PAK5: variants seen among roughly 807,000 people sequenced by gnomAD.
PAK5 encodes p21 (RAC1) activated kinase 5, also known as serine/threonine-protein kinase PAK 5.
Under a neutral mutation model 65.9 loss-of-function variants are expected in PAK5, and 16 were observed. The observed-to-expected ratio is 0.24, with a 90% CI of 0.16 to 0.37. The LOEUF (loss-of-function observed/expected upper bound fraction) is 0.37, where lower values mean the gene tolerates loss of function less well. Ranked by LOEUF, PAK5 falls within the 10% of genes least tolerant of loss-of-function variation. The probability of loss-of-function intolerance (pLI) is 1.00; values close to 1 mark genes in which losing one functional copy is unlikely to be tolerated. For synonymous variants in PAK5, 371 were observed against 354.9 expected (o/e 1.05, Z -0.51); for missense variants, 785 against 903.9 (o/e 0.87, Z 1.69).
At chr20:9,561,907 G>GCCATTT (rs1489126150) in intron 6 of PAK5, among the ~76,000 whole-genome samples, 2 of 152,140 alleles carry the variant, frequency 1.3e-5, no homozygotes, top group African/African-American at 4.8e-5. Context: ...CATTGCCATT[G>GCCATTT]CCTGAAAGTT....
chr20:9,822,638 C>T (rs1188267508), intron 1 of PAK5, among the ~76,000 whole-genome samples: 1 of 152,238 alleles, frequency 6.6e-6, no homozygotes, highest in Non-Finnish European at 1.5e-5. Flanking sequence ...TTTCTTACAA[C>T]AACTTCTAAA....
At chr20:9,662,388 C>A (rs1010259920) in intron 2 of PAK5, among the ~76,000 whole-genome samples, 16 of 152,092 alleles carry the variant, frequency 1.1e-4, no homozygotes, top group African/African-American at 3.9e-4. Context: ...CACATGCTCC[C>A]CTTTCTGTAA....
chr20:9,572,748 A>C (rs1480342166), intron 4 of PAK5, among the ~76,000 whole-genome samples: 1 of 152,254 alleles, frequency 6.6e-6, no homozygotes, highest in African/African-American at 2.4e-5. Context: ...AAGGGCACGG[A>C]GTGCAGAGCA....
chr20:9,805,349 C>T (rs1311824026), intron 1 of PAK5, among the ~76,000 whole-genome samples: 2 of 152,152 alleles, frequency 1.3e-5, no homozygotes, highest in Non-Finnish European at 2.9e-5. Flanking sequence ...TACCTTACGA[C>T]ATAGCAATTC....
chr20:9,571,442 T>G (rs2045779352), intron 4 of PAK5, among the ~76,000 whole-genome samples: 1 of 152,216 alleles, frequency 6.6e-6, no homozygotes. Flanking sequence ...CCCCAAGCAA[T>G]GCAGGGCAAA....
intron 7 of PAK5, among the ~76,000 whole-genome samples, chr20:9,555,252 T>C (rs2045488771): frequency 6.6e-6 from 1 of 152,128 alleles, no homozygotes; most frequent in Non-Finnish European, 1.5e-5. Context: ...ACAATGTGTC[T>C]ATTTATGTGA....
chr20:9,742,238 A>G (rs1600312878), intron 1 of PAK5, among the ~76,000 whole-genome samples: 2 of 152,172 alleles, frequency 1.3e-5, no homozygotes, highest in African/African-American at 4.8e-5. Context: ...TGTAAATATC[A>G]GGTGCCAAGT....
At chr20:9,813,251 G>C (rs543718946) in intron 1 of PAK5, among the ~76,000 whole-genome samples, 3 of 152,234 alleles carry the variant, frequency 2.0e-5, no homozygotes, top group South Asian at 2.1e-4. Flanking sequence ...GGGAAGAAGT[G>C]GTAGAGAGGG....
chr20:9,753,499 A>G (rs762209037), intron 1 of PAK5, among the ~76,000 whole-genome samples: 1 of 152,140 alleles, frequency 6.6e-6, no homozygotes, highest in Non-Finnish European at 1.5e-5. Context: ...GAGTGTATAT[A>G]GAGTTTCACA....
In PAK5 at chr20:9,566,445, T is replaced by C. The variant is rs566713342; in HGVS notation, c.991-61A>G. 4.4e-5 allele frequency: 66 copies of C among 1,501,510 alleles called. 1 individual carries two copies. In the Middle Eastern group the frequency reaches 8.7e-4, roughly 20 times the overall value. The allele number at this position is 1,501,510 out of a possible 1,614,324, so 93.0% of individuals were successfully genotyped here. A position where few individuals can be genotyped will look rare whatever the true frequency, so the allele number is the denominator to read the frequency against. ...GCTGGATCTGAATGCCACAGCCGAG[T>C]GGTGAGTGAGCTGACTGACAGCTGG... On this transcript the variant is annotated intron_variant, in intron 4 of 9. Coordinates refer to ENST00000353224, the MANE Select transcript of PAK5 (RefSeq NM_177990.4).
At chr20:9,738,960 T>C (rs991973727) in intron 1 of PAK5, among the ~76,000 whole-genome samples, 1 of 152,176 alleles carries the variant, frequency 6.6e-6, no homozygotes, top group African/African-American at 2.4e-5. Context: ...GGCTACTGTC[T>C]GGTCTGTGCA....
chr20:9,623,512 A>C (rs2046800675), intron 3 of PAK5, among the ~76,000 whole-genome samples: 1 of 152,220 alleles, frequency 6.6e-6, no homozygotes, highest in South Asian at 2.1e-4. Flanking sequence ...AAATTATTGT[A>C]CCAAATTCCA....
At chr20:9,788,245 G>A (rs374519157) in intron 1 of PAK5, among the ~76,000 whole-genome samples, 23 of 152,114 alleles carry the variant, frequency 1.5e-4, no homozygotes, top group Admixed American at 4.6e-4. Flanking sequence ...CACAGCAAAT[G>A]TATCTCCAGT....
chr20:9,756,814 G>A (rs1004747819), intron 1 of PAK5, among the ~76,000 whole-genome samples: 2 of 152,072 alleles, frequency 1.3e-5, no homozygotes, highest in African/African-American at 2.4e-5. Context: ...AGCAAAGGCC[G>A]GTTACTGCAA....
intron 1 of PAK5, among the ~76,000 whole-genome samples, chr20:9,745,563 T>C (rs2048497445): frequency 6.6e-6 from 1 of 152,146 alleles, no homozygotes; most frequent in Admixed American, 6.5e-5. Context: ...AGTGTTGCAA[T>C]ATTCTGGGTA....
At chr20:9,827,624 G>T (rs1416782444) in intron 1 of PAK5, among the ~76,000 whole-genome samples, 2 of 152,070 alleles carry the variant, frequency 1.3e-5, no homozygotes, top group South Asian at 2.1e-4. Flanking sequence ...TTTTGGGGGA[G>T]GGGGAGGGTG....
At position 9,551,805 on chromosome 20, in the gene PAK5, C is replaced by T. The variant is rs59995355; in HGVS notation, c.1743+5803G>A. Among the ~76,000 whole-genome samples, 195 of 152,312 alleles carry T rather than the reference C, an allele frequency of 1.3e-3. 2 individuals are homozygous for T. In the East Asian group the frequency reaches 0.032, roughly 25 times the overall value. ...CCACGTAGCCTGAGTGAACCAGAAT[C>T]TCTGGGGTTGGGGCCCAGGAATCTG... On this transcript the variant is annotated intron_variant, in intron 7 of 9. Transcript: ENST00000353224.
At chr20:9,728,041 T>C (rs912663511) in intron 1 of PAK5, among the ~76,000 whole-genome samples, 1 of 152,056 alleles carries the variant, frequency 6.6e-6, no homozygotes, top group Admixed American at 6.5e-5. Context: ...CAAAAATTTA[T>C]ATGTTGGAAC....
intron 1 of PAK5, among the ~76,000 whole-genome samples, chr20:9,743,955 T>A (rs1441715072): frequency 1.3e-5 from 2 of 152,248 alleles, no homozygotes; most frequent in East Asian, 3.9e-4. Context: ...TATATATCCT[T>A]ACAACAGAGA....
Sources: gnomAD v4.1 joint callset for allele counts (sites outside exome capture counted in the v4.1 genomes callset) on GRCh38, gnomAD v4.1.1 for gene constraint, MANE v1.5 for transcripts, NCBI Gene and HGNC (gene_info 2026-07-23, HGNC 2026-07-21) for gene names.